Variants in COL23A1 observed in about 807,000 individuals in gnomAD.
COL23A1 encodes collagen alpha-1(XXIII) chain.
A neutral mutation model predicts 99.3 loss-of-function variants in COL23A1; 97 were observed. That is an observed-to-expected ratio of 0.98 (90% CI 0.83 to 1.16). The LOEUF is 1.16. Ranked by LOEUF, COL23A1 falls within the 50% of genes most tolerant of loss-of-function variation. COL23A1 has a pLI of 0.00. For synonymous variants in COL23A1, 320 were observed against 308.2 expected (o/e 1.04, Z -0.40); for missense variants, 762 against 757.4 (o/e 1.01, Z -0.07).
intron 16 of COL23A1, 85 bp downstream of exon 16, chr5:178,254,864 G>C (rs1765221107): frequency 2.5e-6 from 3 of 1,209,410 alleles, no homozygotes; most frequent in Non-Finnish European, 3.6e-6. Context: ...GTGTAAAAAA[G>C]TGCAGGATTA....
intron 2 of COL23A1, among the ~76,000 whole-genome samples, chr5:178,347,891 A>C (rs4989168): frequency 9.1e-4 from 41 of 45,230 alleles, no homozygotes; most frequent in East Asian, 3.7e-3. Context: ...AAAAAAAAAA[A>C]AAAAAACCCA....
chr5:178,562,429 C>G (rs1223647196), intron 1 of COL23A1, among the ~76,000 whole-genome samples: 1 of 151,484 alleles, frequency 6.6e-6, no homozygotes, highest in African/African-American at 2.4e-5. Context: ...TGGCGGGCGC[C>G]TGTAGTCCCA....
chr5:178,481,125 G>C (rs1279561407), intron 2 of COL23A1, among the ~76,000 whole-genome samples: 6 of 96,372 alleles, frequency 6.2e-5, no homozygotes, highest in Non-Finnish European at 9.5e-5. Context: ...TCCAGAGACT[G>C]TCTCTCAAAA....
chr5:178,261,556 G>T (rs1367639094), intron 11 of COL23A1, among the ~76,000 whole-genome samples, 166 bp downstream of exon 11: 3 of 152,172 alleles, frequency 2.0e-5, no homozygotes, highest in Non-Finnish European at 2.9e-5. Flanking sequence ...CTAAACTGAG[G>T]CCCAGAGAGA....
chr5:178,402,091 C>T (rs1423506850), intron 2 of COL23A1, among the ~76,000 whole-genome samples: 2 of 152,224 alleles, frequency 1.3e-5, no homozygotes, highest in Non-Finnish European at 2.9e-5. Flanking sequence ...GCTGGAATTA[C>T]AGGTGTGAGC....
At chr5:178,455,386 C>T (rs777861659) in intron 2 of COL23A1, among the ~76,000 whole-genome samples, 8 of 152,144 alleles carry the variant, frequency 5.3e-5, no homozygotes, top group African/African-American at 2.4e-5. Context: ...ACCCTGGCAT[C>T]GGCTGACACA....
At position 178,387,220 on chromosome 5, in the gene COL23A1, C is replaced by A. The variant is rs781435877; in HGVS notation, c.362-80301G>T. 1.3e-5 allele frequency among the ~76,000 whole-genome samples: 2 copies of A among 152,162 alleles called. No homozygotes were observed. Among genetic ancestry groups the A allele is most frequent in the Non-Finnish European group, 2.9e-5 (2 of 68,030 alleles). On this transcript the variant is annotated intron_variant, in intron 2 of 28. Coordinates refer to ENST00000390654, the MANE Select transcript of COL23A1 (RefSeq NM_173465.4). The surrounding 1 kb of genome is among the most constrained non-coding windows in gnomAD (Gnocchi z 4.7). ...CCGAGTCTTCAATGGCCCCCACACA[C>A]AGCCTCACCGAGGAAAGCCACGTTC...
intron 2 of COL23A1, among the ~76,000 whole-genome samples, chr5:178,433,957 G>A (rs940501477): frequency 2.0e-5 from 3 of 152,212 alleles, no homozygotes; most frequent in African/African-American, 7.2e-5. Context: ...GGCCATGTGA[G>A]GACACAGGGA....
chr5:178,381,156 C>T (rs10040822), intron 2 of COL23A1, among the ~76,000 whole-genome samples: 1 of 152,240 alleles, frequency 6.6e-6, no homozygotes, highest in African/African-American at 2.4e-5. Flanking sequence ...TCATCCACTC[C>T]ACCTGTGAGG....
At chr5:178,481,785 G>A (rs1024614974) in intron 2 of COL23A1, among the ~76,000 whole-genome samples, 48 of 149,784 alleles carry the variant, frequency 3.2e-4, no homozygotes, top group African/African-American at 1.2e-3. Context: ...TGGTGCAGCT[G>A]CCACCTATGT....
At chr5:178,473,640 A>G (rs1051011795) in intron 2 of COL23A1, among the ~76,000 whole-genome samples, 7 of 151,858 alleles carry the variant, frequency 4.6e-5, no homozygotes, top group African/African-American at 1.7e-4. Flanking sequence ...TTGGGTACCT[A>G]TGAGGGATCC....
intron 2 of COL23A1, among the ~76,000 whole-genome samples, chr5:178,312,873 G>C (rs1035044007): frequency 6.6e-6 from 1 of 152,164 alleles, no homozygotes; most frequent in Admixed American, 6.5e-5. Flanking sequence ...TCTTCCTATA[G>C]ATCAGGGGAA....
At chr5:178,270,266 G>A (rs1330957632) in intron 6 of COL23A1, 71 bp downstream of exon 6, 14 of 1,576,526 alleles carry the variant, frequency 8.9e-6, no homozygotes, top group Non-Finnish European at 1.1e-5. Flanking sequence ...TCCAGTGCCT[G>A]CTGGTCACTC....
rs540712200 is a variant in COL23A1, at chr5:178,340,677, G to A, written c.362-33758C>T. 2.6e-5 allele frequency among the ~76,000 whole-genome samples: 4 copies of A among 152,234 alleles called. No individual in the cohort carries two copies. Among genetic ancestry groups the A allele is most frequent in the Non-Finnish European group, 4.4e-5 (3 of 68,046 alleles). On this transcript the variant is annotated intron_variant, in intron 2 of 28. Transcript: ENST00000390654. This position sits in a 1 kb window ranked among gnomAD's most constrained non-coding sequence, Gnocchi z 4.7. Reference sequence around the variant, plus strand: ...AAGGCTCTGCATGTGTTTGGCTGATGGCAAACTGGACACCGGGGATTCTAG... The same window carrying A: ...AAGGCTCTGCATGTGTTTGGCTGATAGCAAACTGGACACCGGGGATTCTAG...
intron 2 of COL23A1, among the ~76,000 whole-genome samples, chr5:178,342,423 G>T (rs1463254505): frequency 6.6e-6 from 1 of 152,186 alleles, no homozygotes; most frequent in African/African-American, 2.4e-5. Flanking sequence ...TCATCCGAAG[G>T]TGGCCTCACA....
intron 2 of COL23A1, among the ~76,000 whole-genome samples, chr5:178,347,930 ATAAATT>A (rs1761080308): frequency 6.6e-6 from 1 of 152,042 alleles, no homozygotes; most frequent in South Asian, 2.1e-4. Context: ...AAAACAAAGA[ATAAATT>A]TAAATAGCCA....
chr5:178,464,515 CT>C (rs1756307499), intron 2 of COL23A1, among the ~76,000 whole-genome samples: 1 of 152,192 alleles, frequency 6.6e-6, no homozygotes, highest in Non-Finnish European at 1.5e-5. Flanking sequence ...CAATAAATAG[CT>C]TCTTCCTGGT....
intron 1 of COL23A1, among the ~76,000 whole-genome samples, chr5:178,573,376 A>G (rs1370548419): frequency 6.6e-6 from 1 of 152,234 alleles, no homozygotes; most frequent in African/African-American, 2.4e-5. Context: ...GCAAAGGCCA[A>G]TTGTGAGAGC....
Position 178,590,245 on chromosome 5 carries a change from G to A in COL23A1, c.-48C>T. 1.7e-6 allele frequency: 2 copies of A among 1,201,304 alleles called. No individual in the cohort carries two copies. The highest frequency in any genetic ancestry group is 2.1e-6 in the Non-Finnish European group (2 of 966,536). 74.4% of individuals were successfully genotyped at this position (1,201,304 alleles called of 1,614,324 possible). A position where few individuals can be genotyped will look rare whatever the true frequency, so the allele number is the denominator to read the frequency against. On this transcript the variant is annotated 5_prime_UTR_variant, in exon 1 of 29. Coordinates refer to ENST00000390654, the MANE Select transcript of COL23A1 (RefSeq NM_173465.4). This position sits in a 1 kb window ranked among gnomAD's most constrained non-coding sequence, Gnocchi z 5.7. ...TCTCCGAGGGGGCGGTGCTGCTGGG[G>A]CAGAGGCTGGGTGCGAGAGGAGCAG...
Sources: allele counts gnomAD v4.1 joint callset (sites outside exome capture counted in the v4.1 genomes callset), GRCh38; gene constraint gnomAD v4.1.1; non-coding constraint Gnocchi (gnomAD v3.1); transcripts MANE v1.5; gene names NCBI Gene and HGNC (gene_info 2026-07-23, HGNC 2026-07-21).